Variants in RNF17 observed in about 807,000 individuals in gnomAD.
The protein encoded by RNF17 is ring finger protein 17, also known as spermatogenesis associated 23.
Under a neutral mutation model 200.5 loss-of-function variants are expected in RNF17, and 31 were observed. The ratio of observed to expected loss-of-function variants is 0.15; its 90% CI spans 0.12 to 0.21. The LOEUF (loss-of-function observed/expected upper bound fraction) is 0.21, where lower values mean the gene tolerates loss of function less well. Among genes scored for constraint, RNF17 ranks in the 10% least tolerant of loss-of-function variants. The probability of loss-of-function intolerance (pLI) is 1.00; values close to 1 mark genes in which losing one functional copy is unlikely to be tolerated. For synonymous variants in RNF17, 606 were observed against 637.8 expected (o/e 0.95, Z 0.75); for missense variants, 1,628 against 1,905.1 (o/e 0.85, Z 2.71).
At chr13:24,860,499 C>G (rs748857667) in intron 26 of RNF17, among the ~76,000 whole-genome samples, 1 of 152,004 alleles carries the variant, frequency 6.6e-6, no homozygotes, top group Admixed American at 6.5e-5. Context: ...AAACCATATC[C>G]TAATTATCTG....
At chr13:24,775,798 T>C (rs778902919) in intron 3 of RNF17, among the ~76,000 whole-genome samples, 3 of 152,238 alleles carry the variant, frequency 2.0e-5, no homozygotes, top group Non-Finnish European at 2.9e-5. Context: ...TAATTACTAA[T>C]GCTTCTGTAT....
intron 15 of RNF17, among the ~76,000 whole-genome samples, chr13:24,812,899 G>T (rs1334489011): frequency 1.3e-5 from 2 of 151,896 alleles, no homozygotes; most frequent in Non-Finnish European, 2.9e-5. Context: ...AGCCAGGATG[G>T]TCTTGATCTC....
intron 14 of RNF17, among the ~76,000 whole-genome samples, chr13:24,803,523 T>G (rs1236537174): frequency 1.3e-5 from 2 of 152,176 alleles, no homozygotes; most frequent in Non-Finnish European, 2.9e-5. Flanking sequence ...GGTCTTGAAC[T>G]CCTGCCCACC....
the RNF17 span, chr13:24,885,552 G>T: frequency 1.5e-6 from 2 of 1,371,152 alleles, no homozygotes; most frequent in Admixed American, 1.7e-5. Context: ...TTAACAAATT[G>T]ATTTCAAGCC....
chr13:24,796,940 T>G (rs1465170073), intron 11 of RNF17, among the ~76,000 whole-genome samples: 1 of 152,194 alleles, frequency 6.6e-6, no homozygotes, highest in Non-Finnish European at 1.5e-5. Flanking sequence ...CAGAAAGTGT[T>G]TATCTGTCTA....
intron 11 of RNF17, among the ~76,000 whole-genome samples, chr13:24,798,763 T>G (rs1035323371): frequency 1.8e-4 from 27 of 152,214 alleles, no homozygotes; most frequent in Non-Finnish European, 2.9e-4. Flanking sequence ...GGGCCTTTTT[T>G]TTTGTTTGTT....
chr13:24,814,913 T>G (rs1887196790), intron 15 of RNF17, among the ~76,000 whole-genome samples: 1 of 152,250 alleles, frequency 6.6e-6, no homozygotes, highest in Non-Finnish European at 1.5e-5. Flanking sequence ...AGTATGATAT[T>G]ATCATTTGCT....
At chr13:24,822,042 G>C (rs987233808) in intron 15 of RNF17, among the ~76,000 whole-genome samples, 17 of 152,294 alleles carry the variant, frequency 1.1e-4, no homozygotes, top group African/African-American at 3.9e-4. Flanking sequence ...GGATGTGCCG[G>C]ATTTTGTAGG....
intron 18 of RNF17, among the ~76,000 whole-genome samples, chr13:24,835,295 A>G (rs1366708391): frequency 6.6e-6 from 1 of 152,082 alleles, no homozygotes; most frequent in Non-Finnish European, 1.5e-5. Context: ...GGCCCCGCCC[A>G]TCGCCGGTTC....
At chr13:24,879,552 C>T (rs1307948617) in intron 35 of RNF17, among the ~76,000 whole-genome samples, 185 bp from the exon 36 acceptor site, 2 of 152,172 alleles carry the variant, frequency 1.3e-5, no homozygotes, top group Admixed American at 6.5e-5. Flanking sequence ...AGAGTGGCCA[C>T]TGTAAATAAT....
intron 14 of RNF17, among the ~76,000 whole-genome samples, chr13:24,803,409 A>T (rs1307189723): frequency 1.3e-5 from 2 of 152,044 alleles, no homozygotes. Context: ...GGTGATTCTC[A>T]TGTCTCAGCC....
At chr13:24,878,333 ATAGG>A (rs753324116) in intron 34 of RNF17, among the ~76,000 whole-genome samples, 1 of 152,234 alleles carries the variant, frequency 6.6e-6, no homozygotes, top group Non-Finnish European at 1.5e-5. Context: ...TTTCTTATAG[ATAGG>A]TATTTTTTCA....
chr13:24,843,240 C>G (rs1467734311), intron 19 of RNF17, among the ~76,000 whole-genome samples: 1 of 152,096 alleles, frequency 6.6e-6, no homozygotes, highest in Non-Finnish European at 1.5e-5. Context: ...TGAACTGGGC[C>G]GGGCACAGTG....
chr13:24,789,600 T>C, intron 8 of RNF17, 98 bp from the exon 9 acceptor site: 1 of 924,610 alleles, frequency 1.1e-6, no homozygotes, highest in Non-Finnish European at 1.7e-6. Context: ...TTTAAATGTT[T>C]CCTTTTCAAT....
rs1158260170 is a variant in RNF17 at position 24,876,501 on chromosome 13, G to A, written c.4584-496G>A. Among the ~76,000 whole-genome samples, 8 of 152,228 alleles carry A rather than the reference G, an allele frequency of 5.3e-5. No homozygotes were observed. In the East Asian group the frequency reaches 1.5e-3, roughly 29 times the overall value. ...TGCTTAATTTTTGAGGAACCTCCAT[G>A]CTGTTTCCCATAGTGGCTGCGCCAT... is the stretch of plus-strand genomic sequence containing the variant. On this transcript the variant is annotated intron_variant, in intron 33 of 35. Coordinates refer to ENST00000255324, the MANE Select transcript of RNF17 (RefSeq NM_031277.3).
At chr13:24,883,501 A>G, downstream of RNF17, 1 of 669,800 alleles carries the variant, frequency 1.5e-6, no homozygotes, top group South Asian at 2.0e-5. Flanking sequence ...ATCCCTATAC[A>G]ATTGTAACTT....
intron 27 of RNF17, 44 bp downstream of exon 27, chr13:24,861,431 GTTT>G (rs750486775): frequency 9.6e-6 from 12 of 1,253,262 alleles, no homozygotes; most frequent in Admixed American, 8.4e-5. Context: ...TTAAATATTA[GTTT>G]TTATTAATAA....
intron 19 of RNF17, among the ~76,000 whole-genome samples, chr13:24,842,864 A>G (rs533131372): frequency 1.3e-5 from 2 of 151,970 alleles, no homozygotes; most frequent in Admixed American, 1.3e-4. Context: ...GTGCGTGCCT[A>G]TAGTCCCAGC....
At chr13:24,880,613 A>AT (rs1185987723), downstream of RNF17, among the ~76,000 whole-genome samples, 3 of 152,168 alleles carry the variant, frequency 2.0e-5, no homozygotes, top group Non-Finnish European at 2.9e-5. Context: ...TTTTACTGCT[A>AT]TATCTGTGTA....
Sources: gnomAD v4.1 joint callset for allele counts (sites outside exome capture counted in the v4.1 genomes callset) on GRCh38, gnomAD v4.1.1 for gene constraint, MANE v1.5 for transcripts, NCBI Gene and HGNC (gene_info 2026-07-23, HGNC 2026-07-21) for gene names.